Variants in RIT2 observed in about 807,000 individuals in gnomAD.
RIT2 encodes the protein GTP-binding protein Rit2.
A neutral mutation model predicts 23.7 loss-of-function variants in RIT2; 24 were observed. The ratio of observed to expected loss-of-function variants is 1.01; its 90% CI spans 0.73 to 1.43. The LOEUF (loss-of-function observed/expected upper bound fraction) is 1.43. Among genes scored for constraint, RIT2 ranks in the 40% most tolerant of loss-of-function variants. The pLI is 0.00. For missense variants in RIT2, 236 were observed against 266.9 expected (o/e 0.88, Z 0.81); for synonymous variants, 107 against 91.1 (o/e 1.17, Z -0.99).
At chr18:42,817,598 T>C (rs541080815) in intron 4 of RIT2, among the ~76,000 whole-genome samples, 1 of 152,114 alleles carries the variant, frequency 6.6e-6, no homozygotes, top group Non-Finnish European at 1.5e-5. Context: ...CTATCAGCAT[T>C]GAATTTTTGA....
intron 2 of RIT2, among the ~76,000 whole-genome samples, chr18:42,982,585 C>T (rs1281703865): frequency 6.6e-6 from 1 of 152,098 alleles, no homozygotes; most frequent in Admixed American, 6.6e-5. Flanking sequence ...CTTCAGCTAA[C>T]ATGATACAGT....
chr18:42,761,335 T>C (rs1913297839), intron 4 of RIT2, among the ~76,000 whole-genome samples: 1 of 152,208 alleles, frequency 6.6e-6, no homozygotes, highest in African/African-American at 2.4e-5. Context: ...TCTCTGAGAC[T>C]AGGTATAATT....
At chr18:42,857,137 C>CA (rs36013477) in intron 4 of RIT2, among the ~76,000 whole-genome samples, 84,289 of 151,928 alleles carry the variant, frequency 0.55, 26,614 homozygotes, top group African/African-American at 0.86. Context: ...TTTTAATTAT[C>CA]CAACTAGGGT....
Position 42,877,539 on chromosome 18 carries a change from T to C in RIT2, c.426+46033A>G, listed in dbSNP as rs1013187115. ...TATACACTATATATATATATATATA[T>C]ATGCATATACACACATAGATACATA... On this transcript the variant is annotated intron_variant, in intron 4 of 4. Coordinates refer to ENST00000326695, the MANE Select transcript of RIT2 (RefSeq NM_002930.4). 8.7e-5 allele frequency among the ~76,000 whole-genome samples: 13 copies of C among 149,592 alleles called. No homozygotes were observed. In the East Asian group the frequency reaches 2.5e-3, roughly 29 times the overall value.
intron 3 of RIT2, among the ~76,000 whole-genome samples, chr18:42,936,688 T>A (rs931687990): frequency 4.6e-5 from 7 of 152,146 alleles, no homozygotes; most frequent in Non-Finnish European, 8.8e-5. Flanking sequence ...TACTCCGCCT[T>A]CATATCACGG....
At chr18:42,749,674 T>G (rs1452354744) in intron 4 of RIT2, among the ~76,000 whole-genome samples, 2 of 151,800 alleles carry the variant, frequency 1.3e-5, no homozygotes, top group Middle Eastern at 6.4e-3. Context: ...AGATAACATG[T>G]GAACATGATG....
At chr18:42,807,994 GT>G (rs1905732837) in intron 4 of RIT2, among the ~76,000 whole-genome samples, 1 of 152,168 alleles carries the variant, frequency 6.6e-6, no homozygotes, top group Non-Finnish European at 1.5e-5. Flanking sequence ...TGGATGATGT[GT>G]TTGAAAGAGC....
intron 1 of RIT2, among the ~76,000 whole-genome samples, chr18:43,105,964 A>G (rs1913812669): frequency 6.6e-6 from 1 of 152,220 alleles, no homozygotes; most frequent in Non-Finnish European, 1.5e-5. Context: ...CACAGTGGAC[A>G]GTGGTTAAGG....
chr18:42,987,800 A>T (rs1476686265), intron 2 of RIT2, among the ~76,000 whole-genome samples: 1 of 152,160 alleles, frequency 6.6e-6, no homozygotes, highest in Non-Finnish European at 1.5e-5. Flanking sequence ...CTCAGGAAAC[A>T]CACTCATGGC....
intron 3 of RIT2, among the ~76,000 whole-genome samples, chr18:42,938,315 C>T (rs1258166888): frequency 1.3e-5 from 2 of 152,176 alleles, no homozygotes; most frequent in African/African-American, 4.8e-5. Flanking sequence ...CAGGAGATAT[C>T]TGCAATGAGA....
chr18:42,767,669 T>A (rs541224753), intron 4 of RIT2, among the ~76,000 whole-genome samples: 1 of 152,194 alleles, frequency 6.6e-6, no homozygotes, highest in South Asian at 2.1e-4. Context: ...GGGCCACGGG[T>A]GGAATGATGT....
chr18:42,862,137 A>T (rs910149436), intron 4 of RIT2, among the ~76,000 whole-genome samples: 10 of 152,110 alleles, frequency 6.6e-5, no homozygotes, highest in Admixed American at 6.6e-4. Flanking sequence ...TGCAATCCCC[A>T]TGTACTAAGG....
chr18:43,087,988 C>T (rs1001002798), intron 1 of RIT2, among the ~76,000 whole-genome samples: 4 of 152,124 alleles, frequency 2.6e-5, no homozygotes, highest in African/African-American at 4.8e-5. Flanking sequence ...TAATATTAGC[C>T]TAGTGTATGG....
At chr18:42,782,249 G>C (rs1009134529) in intron 4 of RIT2, among the ~76,000 whole-genome samples, 3 of 152,080 alleles carry the variant, frequency 2.0e-5, no homozygotes, top group Non-Finnish European at 4.4e-5. Context: ...TTAATAGTTA[G>C]AGATTAGTGC....
chr18:42,920,972 C>A (rs2144130697), intron 4 of RIT2, among the ~76,000 whole-genome samples: 1 of 151,854 alleles, frequency 6.6e-6, no homozygotes, highest in African/African-American at 2.4e-5. Context: ...GAAACAGAAA[C>A]CTAACCTTTC....
chr18:42,866,814 C>G (rs892545853), intron 4 of RIT2, among the ~76,000 whole-genome samples: 2 of 152,014 alleles, frequency 1.3e-5, no homozygotes, highest in Admixed American at 1.3e-4. Context: ...TTAAATGGCT[C>G]TTTTTTGTAT....
At chr18:42,820,769 A>G (rs1304253068) in intron 4 of RIT2, among the ~76,000 whole-genome samples, 1 of 152,116 alleles carries the variant, frequency 6.6e-6, no homozygotes, top group East Asian at 1.9e-4. Context: ...ACCTTTGTGT[A>G]TGGTCTTTTT....
intron 1 of RIT2, among the ~76,000 whole-genome samples, chr18:43,078,777 CTT>C (rs1192765709): frequency 6.6e-6 from 1 of 152,176 alleles, no homozygotes; most frequent in Non-Finnish European, 1.5e-5. Flanking sequence ...CTCAGATTAT[CTT>C]TCTTAATCTT....
intron 2 of RIT2, among the ~76,000 whole-genome samples, chr18:42,976,053 G>A (rs898948592): frequency 6.6e-6 from 1 of 152,012 alleles, no homozygotes; most frequent in South Asian, 2.1e-4. Context: ...TTGAGAATTG[G>A]TTGTTTAATT....
Sources: gnomAD v4.1 joint callset for allele counts (sites outside exome capture counted in the v4.1 genomes callset) on GRCh38, gnomAD v4.1.1 for gene constraint, MANE v1.5 for transcripts, NCBI Gene and HGNC (gene_info 2026-07-23, HGNC 2026-07-21) for gene names.